ARID2: variants seen among roughly 807,000 people sequenced by gnomAD.
ARID2 encodes AT-rich interaction domain 2.
ARID2 carries 32 observed loss-of-function variants against 184.6 expected under a neutral mutation model. The observed-to-expected ratio is 0.17, with a 90% CI of 0.13 to 0.23. The LOEUF (loss-of-function observed/expected upper bound fraction) is 0.23. Ranked by LOEUF, ARID2 falls within the 10% of genes least tolerant of loss-of-function variation. The pLI, the probability that ARID2 is intolerant of heterozygous loss-of-function variation, is 1.00. For missense variants in ARID2, 1,696 were observed against 2,197.6 expected, an observed-to-expected ratio of 0.77 and a Z score of 4.56; for synonymous variants, 836 against 772.6, an observed-to-expected ratio of 1.08 and a Z score of -1.36.
At chr12:45,881,876 G>A in intron 16 of ARID2, 1 of 219,036 alleles carries the variant, frequency 4.6e-6, no homozygotes, top group Non-Finnish European at 9.1e-6. Flanking sequence ...CCTCCTCACT[G>A]TGTCTGGGAT....
At chr12:45,743,751 G>A (rs1334451677) in intron 3 of ARID2, among the ~76,000 whole-genome samples, 1 of 152,180 alleles carries the variant, frequency 6.6e-6, no homozygotes, top group African/African-American at 2.4e-5. Context: ...CTATCAAAGA[G>A]CAATGGAAGT....
intron 15 of ARID2, among the ~76,000 whole-genome samples, chr12:45,853,166 T>C (rs1428537925): frequency 6.6e-6 from 1 of 152,228 alleles, no homozygotes; most frequent in Non-Finnish European, 1.5e-5. Context: ...TCTGACATCT[T>C]TTGGAGAATT....
rs1183984239 is a variant in ARID2 at position 45,811,408 on chromosome 12, T to C, written c.285-10T>C. ...TTTTAAATGTTTGCTGTGCTGTTTT[T>C]CTGTTTCAGTTACCTAGAAAAGTAC... On this transcript the variant is annotated splice_polypyrimidine_tract_variant and intron_variant, in intron 3 of 20. Coordinates refer to ENST00000334344, the MANE Select transcript of ARID2 (RefSeq NM_152641.4). The C allele has an allele frequency of 6.2e-7, 1 of 1,608,010 alleles. No homozygotes were observed. Among genetic ancestry groups the C allele is most frequent in the African/African-American group, 1.3e-5 (1 of 74,836 alleles).
At chr12:45,837,832 A>C in intron 10 of ARID2, 125 bp downstream of exon 10, 1 of 724,960 alleles carries the variant, frequency 1.4e-6, no homozygotes, top group Non-Finnish European at 2.1e-6. Flanking sequence ...TTACCTCCTC[A>C]GGCATACTTG....
intron 4 of ARID2, among the ~76,000 whole-genome samples, chr12:45,812,819 T>C (rs544286717): frequency 6.6e-6 from 1 of 152,330 alleles, no homozygotes; most frequent in Non-Finnish European, 1.5e-5. Context: ...CTTACAACTC[T>C]GTGTGATCCC....
In ARID2 at chr12:45,801,774, C is replaced by CA. The variant is rs140535528; in HGVS notation, c.285-9638dup. 3.2e-3 allele frequency among the ~76,000 whole-genome samples: 479 copies of CA among 151,144 alleles called. 2 individuals carry two copies. Among genetic ancestry groups the CA allele is most frequent in the African/African-American group, 0.011 (457 of 41,170 alleles). On this transcript the variant is annotated intron_variant, in intron 3 of 20. Transcript: ENST00000334344. ...CACTTGTTTTTAAGTGGTTCACACA[C>CA]AAAAAATGTGTGTATTGGGGGGTGG...
chr12:45,822,508 C>G (rs533418972), intron 6 of ARID2, among the ~76,000 whole-genome samples: 1 of 151,998 alleles, frequency 6.6e-6, no homozygotes, highest in Non-Finnish European at 1.5e-5. Flanking sequence ...CCACTGCACT[C>G]TAGTCTGGGT....
rs1264301845 is a variant in ARID2, at chr12:45,903,310, TTC to T, written c.5364-1622_5364-1621del. Among the ~76,000 whole-genome samples the T allele has an allele frequency of 5.9e-5, 9 of 152,316 alleles. No homozygotes were observed. The East Asian group carries it at 1.5e-3, about 26-fold the overall frequency. ...GCTGCTATAAACATTCTAAACCATA[TTC>T]TGTTTTTTGGCCATATACGGAACAT... is the stretch of plus-strand genomic sequence containing the variant. On this transcript the variant is annotated intron_variant, in intron 20 of 20. Coordinates refer to ENST00000334344, the MANE Select transcript of ARID2 (RefSeq NM_152641.4).
At chr12:45,864,331 T>A (rs1943800262) in intron 16 of ARID2, among the ~76,000 whole-genome samples, 1 of 152,152 alleles carries the variant, frequency 6.6e-6, no homozygotes, top group Non-Finnish European at 1.5e-5. Context: ...AAAAAATTAA[T>A]TCCCTTCAAT....
At chr12:45,793,657 A>G (rs950363281) in intron 3 of ARID2, among the ~76,000 whole-genome samples, 21 of 151,752 alleles carry the variant, frequency 1.4e-4, no homozygotes, top group Admixed American at 9.8e-4. Flanking sequence ...ATATACATAT[A>G]TATCTCAGCA....
At chr12:45,733,299 C>G (rs1054145091) in intron 3 of ARID2, among the ~76,000 whole-genome samples, 1 of 152,130 alleles carries the variant, frequency 6.6e-6, no homozygotes, top group Non-Finnish European at 1.5e-5. Flanking sequence ...TAATATTGCA[C>G]AGTAAGAGGA....
At chr12:45,888,882 G>A (rs1944242061) in intron 16 of ARID2, among the ~76,000 whole-genome samples, 1 of 152,132 alleles carries the variant, frequency 6.6e-6, no homozygotes, top group African/African-American at 2.4e-5. Context: ...TTAAGGAAGA[G>A]TATTATTTTA....
intron 16 of ARID2, chr12:45,874,017 ACTT>A (rs1185038518): frequency 6.6e-6 from 1 of 152,204 alleles, no homozygotes; most frequent in African/African-American, 2.4e-5. Flanking sequence ...CCACGGTAGA[ACTT>A]CTTTCAAAAT....
In ARID2 at chr12:45,891,687, A is replaced by G. The variant is rs530393577; in HGVS notation, c.4923-93A>G. 3.7e-4 allele frequency: 511 copies of G among 1,382,442 alleles called. 2 individuals carry two copies. The Admixed American group carries it at 6.6e-3, about 18-fold the overall frequency. 85.6% of individuals were successfully genotyped at this position (1,382,442 alleles called of 1,614,324 possible). Reference sequence around the variant, plus strand: ...CCAAAAGTGTTCAGTACAACTGATGATTCCACTTGGAAATATAAGCAGAGA... The same window carrying G: ...CCAAAAGTGTTCAGTACAACTGATGGTTCCACTTGGAAATATAAGCAGAGA... On this transcript the variant is annotated intron_variant, in intron 16 of 20. Transcript: ENST00000334344.
chr12:45,888,056 G>C (rs996530235), intron 16 of ARID2, among the ~76,000 whole-genome samples: 2 of 152,070 alleles, frequency 1.3e-5, no homozygotes, highest in Middle Eastern at 3.2e-3. Context: ...TCAGCTGGGG[G>C]TGCTGGCGGG....
At chr12:45,825,907 C>G (rs1942989701) in intron 6 of ARID2, among the ~76,000 whole-genome samples, 1 of 151,700 alleles carries the variant, frequency 6.6e-6, no homozygotes, top group Non-Finnish European at 1.5e-5. Context: ...TCATGTAGAT[C>G]AGTATGATTT....
rs187067799 is a variant in ARID2 at position 45,906,459 on chromosome 12, T to G, written c.*1381T>G. ...TCCTTAGGATGTGCAGTAAAAAATATAGACCTAACAGTTTATGTTATAGAA... is the reference window on the plus strand; with the variant it reads ...TCCTTAGGATGTGCAGTAAAAAATAGAGACCTAACAGTTTATGTTATAGAA... On this transcript the variant is annotated 3_prime_UTR_variant, in exon 21 of 21. Transcript: ENST00000334344. The G allele has an allele frequency of 4.3e-6, 1 of 232,828 alleles. No individual in the cohort carries two copies. Among genetic ancestry groups the G allele is most frequent in the Non-Finnish European group, 8.5e-6 (1 of 117,632 alleles). The allele number at this position is 232,828 out of a possible 1,614,324, so 14.4% of individuals were successfully genotyped here.
intron 3 of ARID2, among the ~76,000 whole-genome samples, chr12:45,805,149 C>T (rs1250380989): frequency 1.3e-5 from 2 of 151,914 alleles, no homozygotes; most frequent in South Asian, 2.1e-4. Flanking sequence ...GGATTTGCTG[C>T]ATGATAGGAT....
chr12:45,731,181 G>T (rs761132880), intron 2 of ARID2, 36 bp from the exon 3 acceptor site: 25 of 1,443,560 alleles, frequency 1.7e-5, no homozygotes, highest in Non-Finnish European at 2.4e-5. Context: ...TTCTTAGATT[G>T]TTCACGTTCA....
Sources: allele counts gnomAD v4.1 joint callset (sites outside exome capture counted in the v4.1 genomes callset), GRCh38; gene constraint gnomAD v4.1.1; transcripts MANE v1.5; gene names NCBI Gene and HGNC (gene_info 2026-07-23, HGNC 2026-07-21).